Variants in NRXN3 observed in about 807,000 individuals in gnomAD.
NRXN3 encodes neurexin 3.
In NRXN3, 32 loss-of-function variants were observed where a neutral mutation model predicts 137.6. The ratio of observed to expected loss-of-function variants is 0.23; its 90% CI spans 0.18 to 0.31. NRXN3 has a LOEUF of 0.31. NRXN3 is among the 10% of genes least tolerant of loss of function. The pLI, the probability that NRXN3 is intolerant of heterozygous loss-of-function variation, is 1.00. For synonymous variants in NRXN3, 798 were observed against 784.5 expected (o/e 1.02, Z -0.29); for missense variants, 1,574 against 2,062.5 (o/e 0.76, Z 4.59).
At chr14:78,885,830 C>A (rs1821931695) in intron 10 of NRXN3, among the ~76,000 whole-genome samples, 1 of 152,064 alleles carries the variant, frequency 6.6e-6, no homozygotes, top group African/African-American at 2.4e-5. Context: ...TCCTAAACCT[C>A]AGCAAACTAG....
chr14:79,649,845 A>T (rs1000396181), intron 16 of NRXN3, among the ~76,000 whole-genome samples: 1 of 152,160 alleles, frequency 6.6e-6, no homozygotes, highest in African/African-American at 2.4e-5. Flanking sequence ...GGCTGCTATA[A>T]CAGAATGGCA....
At chr14:78,329,916 G>A (rs1211510427) in intron 4 of NRXN3, among the ~76,000 whole-genome samples, 2 of 152,160 alleles carry the variant, frequency 1.3e-5, no homozygotes, top group Non-Finnish European at 2.9e-5. Context: ...AACACTGATA[G>A]TGATTAGATT....
At chr14:78,859,556 C>T (rs751440224) in intron 10 of NRXN3, among the ~76,000 whole-genome samples, 5 of 152,070 alleles carry the variant, frequency 3.3e-5, no homozygotes, top group Non-Finnish European at 7.4e-5. Flanking sequence ...TCCCTTTCAT[C>T]AGAATTCCCC....
intron 19 of NRXN3, among the ~76,000 whole-genome samples, chr14:79,778,376 A>C (rs7153788): frequency 0.52 from 79,297 of 151,994 alleles, 21,261 homozygotes; most frequent in Middle Eastern, 0.65. Context: ...AGATCATGCC[A>C]CTGCACTCCA....
chr14:78,638,232 G>T (rs926029655), intron 4 of NRXN3, among the ~76,000 whole-genome samples: 1 of 152,184 alleles, frequency 6.6e-6, no homozygotes, highest in Non-Finnish European at 1.5e-5. Context: ...GAGGATAAGG[G>T]TTGGAAATGG....
At chr14:78,200,955 T>C (rs1415025374) in intron 1 of NRXN3, among the ~76,000 whole-genome samples, 1 of 152,130 alleles carries the variant, frequency 6.6e-6, no homozygotes, top group Non-Finnish European at 1.5e-5. Context: ...GGCCTCTCCC[T>C]GGTTCCAGGG....
At chr14:79,745,052 A>G (rs1245431065) in intron 19 of NRXN3, among the ~76,000 whole-genome samples, 1 of 151,988 alleles carries the variant, frequency 6.6e-6, no homozygotes, top group Admixed American at 6.6e-5. Context: ...AGAAAGGCAC[A>G]TTGTTTTTAG....
intron 10 of NRXN3, among the ~76,000 whole-genome samples, chr14:78,951,560 T>C (rs1412096248): frequency 2.0e-5 from 3 of 152,180 alleles, no homozygotes; most frequent in Admixed American, 6.5e-5. Context: ...CGTATTACCC[T>C]GCCTTATTTT....
At chr14:78,626,953 TTTA>T (rs1276585158) in intron 4 of NRXN3, among the ~76,000 whole-genome samples, 1 of 152,202 alleles carries the variant, frequency 6.6e-6, no homozygotes, top group African/African-American at 2.4e-5. Flanking sequence ...GGCTCTCAGA[TTTA>T]TTAACAGCCC....
At chr14:78,857,020 A>T (rs2099059279) in intron 10 of NRXN3, among the ~76,000 whole-genome samples, 1 of 152,172 alleles carries the variant, frequency 6.6e-6, no homozygotes, top group African/African-American at 2.4e-5. Context: ...GGCACGAGAC[A>T]CCACACCTGG....
At chr14:79,084,304 A>G (rs1173089258) in intron 15 of NRXN3, among the ~76,000 whole-genome samples, 11 of 152,198 alleles carry the variant, frequency 7.2e-5, no homozygotes, top group Non-Finnish European at 1.6e-4. Flanking sequence ...TAAAATTCAT[A>G]GAACTATACA....
intron 15 of NRXN3, among the ~76,000 whole-genome samples, chr14:79,319,056 C>T (rs1370587577): frequency 6.6e-6 from 1 of 152,100 alleles, no homozygotes; most frequent in Non-Finnish European, 1.5e-5. Context: ...AAATGTTGCC[C>T]ATAACTGCTT....
intron 4 of NRXN3, among the ~76,000 whole-genome samples, chr14:78,519,460 G>T (rs901464054): frequency 1.3e-5 from 2 of 152,104 alleles, no homozygotes; most frequent in Non-Finnish European, 1.5e-5. Flanking sequence ...TTATTGAAAT[G>T]ATTCCTCATT....
chr14:78,828,844 A>G (rs190207039), intron 10 of NRXN3, among the ~76,000 whole-genome samples: 36 of 152,346 alleles, frequency 2.4e-4, no homozygotes, highest in Admixed American at 1.4e-3. Flanking sequence ...GACTTAAGTG[A>G]GTTCAAGTAA....
chr14:78,706,350 G>T (rs2098349065), intron 6 of NRXN3, among the ~76,000 whole-genome samples: 1 of 152,212 alleles, frequency 6.6e-6, no homozygotes, highest in Non-Finnish European at 1.5e-5. Context: ...GATTGCCTGA[G>T]GATCCTGCAA....
chr14:79,294,283 C>G (rs1441344044), intron 15 of NRXN3, among the ~76,000 whole-genome samples: 2 of 152,116 alleles, frequency 1.3e-5, no homozygotes, highest in African/African-American at 4.8e-5. Context: ...TGTGTTAACT[C>G]AGGTAATTAT....
intron 15 of NRXN3, among the ~76,000 whole-genome samples, chr14:79,216,997 C>A (rs1209534512): frequency 6.6e-6 from 1 of 151,980 alleles, no homozygotes; most frequent in African/African-American, 2.4e-5. Context: ...ATTAGCCAGG[C>A]GTGGTGGCAC....
intron 2 of NRXN3, among the ~76,000 whole-genome samples, chr14:78,262,586 C>T (rs747582831): frequency 6.6e-6 from 1 of 152,104 alleles, no homozygotes; most frequent in Admixed American, 6.5e-5. Context: ...TGAAAATTCC[C>T]AAATAGCTTC....
intron 8 of NRXN3, among the ~76,000 whole-genome samples, chr14:78,771,088 G>T (rs573756927): frequency 6.6e-6 from 1 of 152,296 alleles, no homozygotes; most frequent in South Asian, 2.1e-4. Flanking sequence ...GACCACTTGA[G>T]CAAGGCCACG....
Sources: gnomAD v4.1 joint callset for allele counts (sites outside exome capture counted in the v4.1 genomes callset) on GRCh38, gnomAD v4.1.1 for gene constraint, MANE v1.5 for transcripts, NCBI Gene and HGNC (gene_info 2026-07-23, HGNC 2026-07-21) for gene names.